The following FOLH1 variants were observed in gnomAD, a reference collection of about 807,000 sequenced individuals.
The protein encoded by FOLH1 is glutamate carboxypeptidase 2.
In FOLH1, 54 loss-of-function variants were observed where a neutral mutation model predicts 93.9. That is an observed-to-expected ratio of 0.57 (90% CI 0.46 to 0.72). FOLH1 has a LOEUF of 0.72. FOLH1 is among the 30% of genes least tolerant of loss of function. The probability of loss-of-function intolerance (pLI) is 0.00; values close to 1 mark genes in which losing one functional copy is unlikely to be tolerated. For synonymous variants in FOLH1, 249 were observed against 303.6 expected, an observed-to-expected ratio of 0.82 and a Z score of 1.87; for missense variants, 571 against 892.5, an observed-to-expected ratio of 0.64 and a Z score of 4.59.
chr11:49,164,843 G>A, intron 12 of FOLH1, 71 bp from the exon 13 acceptor site: 1 of 1,149,288 alleles, frequency 8.7e-7, no homozygotes, highest in Non-Finnish European at 1.3e-6. Flanking sequence ...AAAGACCACT[G>A]CTAAATTCCT....
chr11:49,176,027 T>C lies in FOLH1; in HGVS notation c.921-70A>G, dbSNP rs1859980882. The stretch of plus-strand genomic sequence containing the variant: ...AGTAACGCATTAAAATGTTAATGGA[T>C]TCACTTTATTGAGCATCTGCTCATA... On this transcript the variant is annotated intron_variant, in intron 7 of 18. Transcript: ENST00000256999. 4.4e-6 allele frequency: 6 copies of C among 1,366,602 alleles called. No individual in the cohort carries two copies. In the South Asian group the frequency reaches 7.1e-5, roughly 16 times the overall value. The allele number at this position is 1,366,602 out of a possible 1,614,324, so 84.7% of individuals were successfully genotyped here. A position where few individuals can be genotyped will look rare whatever the true frequency, so the allele number is the denominator to read the frequency against.
At chr11:49,194,009 T>G (rs1862348484) in intron 3 of FOLH1, among the ~76,000 whole-genome samples, 1 of 151,482 alleles carries the variant, frequency 6.6e-6, no homozygotes, top group Admixed American at 6.6e-5. Flanking sequence ...AATACAAAAA[T>G]TAGCCGGGCC....
intron 1 of FOLH1, 64 bp downstream of exon 1, chr11:49,208,228 G>T: frequency 8.3e-7 from 1 of 1,210,272 alleles, no homozygotes; most frequent in Non-Finnish European, 1.1e-6. Context: ...GCTGACCCGC[G>T]AGTCCCAGCA....
At chr11:49,157,394 G>C (rs1857142264) in intron 14 of FOLH1, among the ~76,000 whole-genome samples, 1 of 152,028 alleles carries the variant, frequency 6.6e-6, no homozygotes, top group African/African-American at 2.4e-5. Context: ...CATGGGTTGA[G>C]TATCCCTAAT....
chr11:49,150,312 T>C (rs1856356491), intron 17 of FOLH1, among the ~76,000 whole-genome samples: 2 of 152,156 alleles, frequency 1.3e-5, no homozygotes, highest in African/African-American at 4.8e-5. Flanking sequence ...TAAAATCTTA[T>C]AAAATACTAT....
rs1016923852 is a variant in FOLH1, at chr11:49,145,341, C to A, written c.*1415G>T. ...CTGGCAATGCAAATGACATCTCCAGCATCTGACACGGAGGGCATACAGAGC... is the reference window on the plus strand; with the variant it reads ...CTGGCAATGCAAATGACATCTCCAGAATCTGACACGGAGGGCATACAGAGC... On this transcript the variant is annotated 3_prime_UTR_variant, in exon 19 of 19. Transcript: ENST00000256999. 6.6e-6 allele frequency among the ~76,000 whole-genome samples: 1 copy of A among 152,108 alleles called. No homozygotes were observed. The highest frequency in any genetic ancestry group is 2.4e-5 in the African/African-American group (1 of 41,426).
Position 49,183,253 on chromosome 11 carries a change from A to T in FOLH1, c.827-11T>A. 1.2e-6 allele frequency: 2 copies of T among 1,600,926 alleles called. No homozygotes were observed. The highest frequency in any genetic ancestry group is 1.1e-5 in the South Asian group (1 of 87,596). On this transcript the variant is annotated splice_polypyrimidine_tract_variant and intron_variant, in intron 6 of 18. Transcript: ENST00000256999. ...GCCTATAAGCATATTCTGAAAAAAA[A>T]AATTGCCATATTTCCAGTAAAAACT...
chr11:49,149,297 A>C (rs535270527), intron 17 of FOLH1, among the ~76,000 whole-genome samples: 1 of 152,142 alleles, frequency 6.6e-6, no homozygotes, highest in Non-Finnish European at 1.5e-5. Flanking sequence ...TGATTTTCAG[A>C]ATGGTTTAAG....
intron 18 of FOLH1, among the ~76,000 whole-genome samples, chr11:49,147,415 C>A (rs1390531105): frequency 2.0e-5 from 3 of 149,250 alleles, no homozygotes; most frequent in Admixed American, 6.8e-5. Flanking sequence ...TCATTACAGT[C>A]TTGCTTGTGA....
intron 1 of FOLH1, 90 bp from the exon 2 acceptor site, chr11:49,206,262 A>G: frequency 2.5e-6 from 4 of 1,572,054 alleles, no homozygotes; most frequent in Non-Finnish European, 3.5e-6. Flanking sequence ...TTTGTAAAAC[A>G]CAAATTATCA....
chr11:49,206,982 A>G, intron 1 of FOLH1: 1 of 572,180 alleles, frequency 1.7e-6, no homozygotes. Context: ...GAGCTTTCCA[A>G]TTATTAATTA....
In FOLH1 at chr11:49,146,892, G is replaced by T; in HGVS notation, c.2117C>A (p.Pro706Gln). Residue 706 changes from proline to glutamine, a missense_variant, in exon 19 of 19, where the codon CCA becomes CAA. By Grantham distance (76) the Pro-to-Gln change is moderately conservative. Coordinates refer to ENST00000256999, the MANE Select transcript of FOLH1 (RefSeq NM_004476.3). ...ATCAAACAGAGCATCATAAATTCCT[G>T]GGAATGACTCCCCTGCATACTTGTT... ...SHNKYAGESF[P>Q]GIYDALFDIE... 1 of 1,613,226 alleles carries T rather than the reference G, an allele frequency of 6.2e-7. No individual in the cohort carries two copies. The highest frequency in any genetic ancestry group is 8.5e-7 in the Non-Finnish European group (1 of 1,179,510).
At chr11:49,185,208 GA>G (rs1182672850) in intron 6 of FOLH1, among the ~76,000 whole-genome samples, 1 of 152,082 alleles carries the variant, frequency 6.6e-6, no homozygotes, top group Non-Finnish European at 1.5e-5. Flanking sequence ...AATCTGGGGG[GA>G]ATTTATTTAA....
Position 49,158,773 on chromosome 11 carries a change from T to C in FOLH1, c.1441-730A>G, listed in dbSNP as rs192258054. 2.0e-5 allele frequency among the ~76,000 whole-genome samples: 3 copies of C among 152,276 alleles called. No homozygotes were observed. The East Asian group carries it at 5.8e-4, about 29-fold the overall frequency. ...TCTTCCTATCCATGAGCATGGAATG[T>C]TTTTTCCATTTGAATATGTCATCTC... On this transcript the variant is annotated intron_variant, in intron 13 of 18. Transcript: ENST00000256999.
At chr11:49,183,103 T>C in intron 7 of FOLH1, 46 bp downstream of exon 7, 1 of 1,520,632 alleles carries the variant, frequency 6.6e-7, no homozygotes, top group Non-Finnish European at 8.9e-7. Flanking sequence ...AAACTGTCAA[T>C]AAGAAAATTA....
intron 3 of FOLH1, among the ~76,000 whole-genome samples, chr11:49,198,086 G>A (rs1862821181): frequency 6.6e-6 from 1 of 151,676 alleles, no homozygotes; most frequent in Admixed American, 6.6e-5. Context: ...AACAGGCTTT[G>A]GTAACATTAT....
intron 4 of FOLH1, among the ~76,000 whole-genome samples, chr11:49,190,411 C>G (rs1861903114): frequency 2.0e-5 from 3 of 152,202 alleles, no homozygotes; most frequent in Admixed American, 2.0e-4. Flanking sequence ...TTACACTGTA[C>G]CATCCATTGT....
At chr11:49,176,270 T>G (rs1219443219) in intron 7 of FOLH1, among the ~76,000 whole-genome samples, 4 of 152,172 alleles carry the variant, frequency 2.6e-5, no homozygotes, top group African/African-American at 4.8e-5. Context: ...TAAAAGTGCT[T>G]TCCAGAGCAT....
In FOLH1 at chr11:49,208,281, C is replaced by A. The variant is rs79122681; in HGVS notation, c.118+11G>T. ...AGACTCCGAGGTTTGCTCCGCGAGGCGCCCCCCTACCGAAGAGGAAGCCGA... is the reference window on the plus strand; with the variant it reads ...AGACTCCGAGGTTTGCTCCGCGAGGAGCCCCCCTACCGAAGAGGAAGCCGA... On this transcript the variant is annotated intron_variant, in intron 1 of 18. Transcript: ENST00000256999. 49 of 1,521,944 alleles carry A rather than the reference C, an allele frequency of 3.2e-5. No homozygotes were observed. In the South Asian group the frequency reaches 5.6e-4, roughly 17 times the overall value. The allele number at this position is 1,521,944 out of a possible 1,614,324, so 94.3% of individuals were successfully genotyped here.
Sources: gnomAD v4.1 joint callset for allele counts (sites outside exome capture counted in the v4.1 genomes callset) on GRCh38, gnomAD v4.1.1 for gene constraint, MANE v1.5 for transcripts, NCBI Gene and HGNC (gene_info 2026-07-23, HGNC 2026-07-21) for gene names.